SLIT2: variants seen among roughly 807,000 people sequenced by gnomAD.
SLIT2 encodes slit guidance ligand 2, also known as slit homolog 2 protein.
Under a neutral mutation model 185.7 loss-of-function variants are expected in SLIT2, and 41 were observed. The ratio of observed to expected loss-of-function variants is 0.22; its 90% CI spans 0.17 to 0.29. SLIT2 has a LOEUF of 0.29. Ranked by LOEUF, SLIT2 falls within the 10% of genes least tolerant of loss-of-function variation. The pLI is 1.00. For missense variants in SLIT2, 1,571 were observed against 1,909.0 expected (o/e 0.82, Z 3.30); for synonymous variants, 693 against 680.2 (o/e 1.02, Z -0.29).
At chr4:20,278,810 G>A (rs1714432265) in intron 4 of SLIT2, among the ~76,000 whole-genome samples, 1 of 151,470 alleles carries the variant, frequency 6.6e-6, no homozygotes, top group South Asian at 2.1e-4. Flanking sequence ...GCCAGTGGTG[G>A]GGGGCGGTGG....
chr4:20,557,661 G>C (rs1276730657), intron 26 of SLIT2, among the ~76,000 whole-genome samples: 6 of 151,966 alleles, frequency 3.9e-5, no homozygotes, highest in Admixed American at 3.9e-4. Context: ...ATGGATAAAG[G>C]AATAATTTTG....
chr4:20,354,533 C>CA (rs1722144729), intron 4 of SLIT2, among the ~76,000 whole-genome samples: 1 of 152,148 alleles, frequency 6.6e-6, no homozygotes, highest in Admixed American at 6.5e-5. Flanking sequence ...AAAAATGTTC[C>CA]AAAGTTTTGG....
At chr4:20,573,913 C>T (rs907248836) in intron 29 of SLIT2, among the ~76,000 whole-genome samples, 1 of 149,174 alleles carries the variant, frequency 6.7e-6, no homozygotes, top group East Asian at 2.0e-4. Context: ...TACATCAGGG[C>T]CCAAGAACGT....
At chr4:20,402,616 A>T (rs1231789941) in intron 4 of SLIT2, among the ~76,000 whole-genome samples, 7 of 151,872 alleles carry the variant, frequency 4.6e-5, no homozygotes, top group African/African-American at 1.4e-4. Flanking sequence ...ATAACATGGG[A>T]TGTTAATTTT....
At chr4:20,521,511 A>G (rs1466920878) in intron 12 of SLIT2, among the ~76,000 whole-genome samples, 1 of 152,236 alleles carries the variant, frequency 6.6e-6, no homozygotes, top group Non-Finnish European at 1.5e-5. Flanking sequence ...AACATCTTTC[A>G]GTTTCCTCAG....
chr4:20,575,027 C>A (rs181634532), intron 29 of SLIT2, among the ~76,000 whole-genome samples: 1 of 152,210 alleles, frequency 6.6e-6, no homozygotes, highest in African/African-American at 2.4e-5. Flanking sequence ...CAAATGGCTT[C>A]TTTTCTCTTT....
rs181791558 is a variant in SLIT2, at chr4:20,566,778, A to C, written c.2726-484A>C. On this transcript the variant is annotated intron_variant, in intron 26 of 36. Transcript: ENST00000504154. ...ATATGAAAGTCGTACTACTGAGTCA[A>C]TGTTACCTGGGCAGGTGCATTGTAT... 2.0e-5 allele frequency among the ~76,000 whole-genome samples: 3 copies of C among 152,028 alleles called. No individual in the cohort carries two copies. The East Asian group carries it at 5.8e-4, about 29-fold the overall frequency.
intron 4 of SLIT2, among the ~76,000 whole-genome samples, chr4:20,313,670 T>C (rs1207809243): frequency 1.3e-5 from 2 of 152,174 alleles, no homozygotes; most frequent in Non-Finnish European, 1.5e-5. Flanking sequence ...AGACAGTTTT[T>C]CTATGGAATG....
intron 4 of SLIT2, among the ~76,000 whole-genome samples, chr4:20,374,457 T>C (rs1167119195): frequency 1.3e-5 from 2 of 152,136 alleles, no homozygotes; most frequent in Admixed American, 1.3e-4. Flanking sequence ...TTTCTGTTCT[T>C]TGGCATTTAA....
At chr4:20,365,777 A>T (rs1158600653) in intron 4 of SLIT2, among the ~76,000 whole-genome samples, 1 of 152,034 alleles carries the variant, frequency 6.6e-6, no homozygotes, top group African/African-American at 2.4e-5. Flanking sequence ...CTTATCCTTT[A>T]TGTGTGTTCA....
chr4:20,505,404 G>A (rs1295625623), intron 9 of SLIT2, among the ~76,000 whole-genome samples: 2 of 151,998 alleles, frequency 1.3e-5, no homozygotes, highest in African/African-American at 4.8e-5. Context: ...CTCTTGAGGA[G>A]GGCTATTGAA....
chr4:20,354,264 A>T (rs1722124446), intron 4 of SLIT2, among the ~76,000 whole-genome samples: 1 of 150,050 alleles, frequency 6.7e-6, no homozygotes, highest in Admixed American at 6.6e-5. Flanking sequence ...TCAAACATTT[A>T]TTAACTGCTC....
At chr4:20,316,428 A>G (rs1167296149) in intron 4 of SLIT2, among the ~76,000 whole-genome samples, 7 of 152,012 alleles carry the variant, frequency 4.6e-5, no homozygotes, top group Non-Finnish European at 7.4e-5. Context: ...CATAGGAGAC[A>G]ATTTAGATAT....
intron 4 of SLIT2, among the ~76,000 whole-genome samples, chr4:20,466,088 T>C (rs1714321340): frequency 6.6e-6 from 1 of 152,170 alleles, no homozygotes; most frequent in Non-Finnish European, 1.5e-5. Context: ...GATTCAAATT[T>C]TCTTGAATGC....
Position 20,430,507 on chromosome 4 carries a change from C to A in SLIT2, c.396-37245C>A, listed in dbSNP as rs142784837. ...AGCTGGTATGTTTTAATATCAAAGACAGAACATGTTTTCTCTTTGCCAAGA... is the reference window on the plus strand; with the variant it reads ...AGCTGGTATGTTTTAATATCAAAGAAAGAACATGTTTTCTCTTTGCCAAGA... On this transcript the variant is annotated intron_variant, in intron 4 of 36. Coordinates refer to ENST00000504154, the MANE Select transcript of SLIT2 (RefSeq NM_004787.4). Among the ~76,000 whole-genome samples, 78 of 152,304 alleles carry A rather than the reference C, an allele frequency of 5.1e-4. 1 individual carries two copies. The East Asian group carries it at 0.013, about 26-fold the overall frequency.
At position 20,619,149 on chromosome 4, in the gene SLIT2, C is replaced by A; in HGVS notation, c.*140C>A. The A allele has an allele frequency of 7.4e-6, 6 of 809,292 alleles. No homozygotes were observed. Among genetic ancestry groups the A allele is most frequent in the South Asian group, 3.4e-5 (1 of 29,180 alleles). The allele number at this position is 809,292 out of a possible 1,614,324, so 50.1% of individuals were successfully genotyped here. On this transcript the variant is annotated 3_prime_UTR_variant, in exon 37 of 37. Transcript: ENST00000504154. Reference sequence around the variant, plus strand: ...CTTATTTTTATTATGAGAATAAAGACTTTTTTTCTGCATTTGGAAAAAAAA... The same window carrying A: ...CTTATTTTTATTATGAGAATAAAGAATTTTTTTCTGCATTTGGAAAAAAAA...
chr4:20,377,040 A>C (rs992116300), intron 4 of SLIT2, among the ~76,000 whole-genome samples: 1 of 152,132 alleles, frequency 6.6e-6, no homozygotes, highest in Non-Finnish European at 1.5e-5. Flanking sequence ...AGTAAAAAAA[A>C]TAAAAAGAGA....
intron 33 of SLIT2, among the ~76,000 whole-genome samples, chr4:20,605,525 T>C (rs1728727270): frequency 6.6e-6 from 1 of 152,076 alleles, no homozygotes; most frequent in Non-Finnish European, 1.5e-5. Context: ...ATAAAATATA[T>C]TGTTCCCTAG....
chr4:20,265,806 C>CT (rs1179657713), intron 3 of SLIT2, among the ~76,000 whole-genome samples: 3 of 151,818 alleles, frequency 2.0e-5, no homozygotes, highest in Non-Finnish European at 2.9e-5. Context: ...TCAAATAAAT[C>CT]TATGTTTTGC....
Sources: gnomAD v4.1 joint callset for allele counts (sites outside exome capture counted in the v4.1 genomes callset) on GRCh38, gnomAD v4.1.1 for gene constraint, MANE v1.5 for transcripts, NCBI Gene and HGNC (gene_info 2026-07-23, HGNC 2026-07-21) for gene names.